ST3GAL2: variants seen among roughly 807,000 people sequenced by gnomAD.
The protein encoded by ST3GAL2 is CMP-N-acetylneuraminate-beta-galactosamide-alpha-2,3-sialyltransferase 2.
In ST3GAL2, 16 loss-of-function variants were observed where a neutral mutation model predicts 37.5. The observed-to-expected ratio is 0.43, with a 90% CI of 0.29 to 0.65. The LOEUF is 0.65. Among genes scored for constraint, ST3GAL2 ranks in the 30% least tolerant of loss-of-function variants. The pLI is 0.17. For synonymous variants in ST3GAL2, 238 were observed against 202.9 expected (o/e 1.17, Z -1.47); for missense variants, 383 against 487.8 (o/e 0.79, Z 2.02).
intron 1 of ST3GAL2, among the ~76,000 whole-genome samples, chr16:70,426,515 C>CT (rs1306374449): frequency 0.097 from 12,867 of 132,368 alleles, 1,832 homozygotes; most frequent in African/African-American, 0.32. Context: ...AAGTGTTTTT[C>CT]TTTTTTTTTT....
rs1342069549 is a variant in ST3GAL2 at position 70,381,467 on chromosome 16, G to C, written c.*222C>G. The C allele has an allele frequency of 3.3e-6, 2 of 599,146 alleles. No individual in the cohort carries two copies. The highest frequency in any genetic ancestry group is 3.1e-5 in the Admixed American group (1 of 32,664). 37.1% of individuals were successfully genotyped at this position (599,146 alleles called of 1,614,324 possible). On this transcript the variant is annotated 3_prime_UTR_variant, in exon 7 of 7. Coordinates refer to ENST00000342907, the MANE Select transcript of ST3GAL2 (RefSeq NM_006927.4). ...GAGGAGACTGGACACAGCGCCGGAA[G>C]TTTTCCTTGAGTCACATGATTGGCT...
chr16:70,431,970 A>AAT (rs1555562175), intron 1 of ST3GAL2, among the ~76,000 whole-genome samples: 61 of 144,182 alleles, frequency 4.2e-4, no homozygotes, highest in African/African-American at 1.1e-3. Context: ...TCTTAAAAAA[A>AAT]ATATATATAT....
In ST3GAL2 at chr16:70,376,701, G is replaced by C. The variant is rs2047348322; in HGVS notation, c.*4988C>G. On this transcript the variant is annotated 3_prime_UTR_variant, in exon 7 of 7. Transcript: ENST00000342907. The stretch of plus-strand genomic sequence containing the variant: ...CTGATGCCTCTGACCTTGCCAGACA[G>C]TCACAGAAGGTACTTCCTTGTCTGC... The C allele has an allele frequency of 6.6e-6, 1 of 152,110 alleles. No individual in the cohort carries two copies. Among genetic ancestry groups the C allele is most frequent in the Admixed American group, 6.6e-5 (1 of 15,264 alleles). The allele number at this position is 152,110 out of a possible 1,614,324, so 9.4% of individuals were successfully genotyped here.
intron 1 of ST3GAL2, among the ~76,000 whole-genome samples, chr16:70,404,250 A>G (rs1317595266): frequency 2.0e-5 from 3 of 152,168 alleles, no homozygotes; most frequent in East Asian, 1.9e-4. Flanking sequence ...GAAACAGCCA[A>G]TGAGGCAGGG....
chr16:70,410,385 G>A (rs1005439270), intron 1 of ST3GAL2, among the ~76,000 whole-genome samples: 1 of 150,542 alleles, frequency 6.6e-6, no homozygotes, highest in Non-Finnish European at 1.5e-5. Context: ...CCCGTAGCTG[G>A]GACCACAGGT....
chr16:70,399,078 C>T lies in ST3GAL2; in HGVS notation c.-548G>A. The T allele has an allele frequency of 7.5e-6, 3 of 400,850 alleles. No individual in the cohort carries two copies. The highest frequency in any genetic ancestry group is 1.3e-5 in the Non-Finnish European group (3 of 227,630). 24.8% of individuals were successfully genotyped at this position (400,850 alleles called of 1,614,324 possible). On this transcript the variant is annotated 5_prime_UTR_variant, in exon 2 of 7. Transcript: ENST00000342907. ...GCAAGTGTTGTCCCACCTCCTGGCC[C>T]AAAACCTCTGCCAGAGGAGGGGAGC...
chr16:70,422,287 G>C (rs2047720508), intron 1 of ST3GAL2, among the ~76,000 whole-genome samples: 1 of 152,222 alleles, frequency 6.6e-6, no homozygotes, highest in African/African-American at 2.4e-5. Flanking sequence ...GTGGAGTGCT[G>C]TATCTCCAAG....
chr16:70,430,193 G>A (rs896949059), intron 1 of ST3GAL2, among the ~76,000 whole-genome samples: 6 of 152,248 alleles, frequency 3.9e-5, no homozygotes, highest in African/African-American at 7.2e-5. Context: ...ATTAGTGGCA[G>A]GGTATGCCCA....
At chr16:70,397,284 G>A (rs750315895) in intron 2 of ST3GAL2, among the ~76,000 whole-genome samples, 3 of 150,776 alleles carry the variant, frequency 2.0e-5, no homozygotes, top group Admixed American at 6.6e-5. Flanking sequence ...CTCATGATCC[G>A]TCCGCCCTGT....
chr16:70,389,200 T>TCCAA (rs2047464511), intron 3 of ST3GAL2, among the ~76,000 whole-genome samples: 1 of 16,846 alleles, frequency 5.9e-5, no homozygotes, highest in African/African-American at 1.3e-4. Context: ...ACCCCATCTC[T>TCCAA]ACAAAAAAAA....
Position 70,399,415 on chromosome 16 carries a change from T to C in ST3GAL2, c.-885A>G, listed in dbSNP as rs1478976939. On this transcript the variant is annotated 5_prime_UTR_variant, in exon 2 of 7. Coordinates refer to ENST00000342907, the MANE Select transcript of ST3GAL2 (RefSeq NM_006927.4). ...GTCCAGGTCTCCTTCCTAATACTCC[T>C]GGCCCAGGTTCTGCCCATCCCCACT... 1.3e-5 allele frequency: 5 copies of C among 398,786 alleles called. No homozygotes were observed. In the South Asian group the frequency reaches 5.1e-4, roughly 41 times the overall value. The allele number at this position is 398,786 out of a possible 1,614,324, so 24.7% of individuals were successfully genotyped here.
chr16:70,402,727 G>A (rs539998580), intron 1 of ST3GAL2, among the ~76,000 whole-genome samples: 1 of 152,288 alleles, frequency 6.6e-6, no homozygotes, highest in South Asian at 2.1e-4. Flanking sequence ...TTGGCTCACT[G>A]CAGCCTCCGC....
At chr16:70,415,960 G>C (rs960188579) in intron 1 of ST3GAL2, among the ~76,000 whole-genome samples, 14 of 150,118 alleles carry the variant, frequency 9.3e-5, no homozygotes, top group Non-Finnish European at 1.9e-4. Context: ...ATTTTTAGTA[G>C]AGATGGGGTT....
At chr16:70,429,442 A>C (rs1374925195) in intron 1 of ST3GAL2, among the ~76,000 whole-genome samples, 1 of 151,596 alleles carries the variant, frequency 6.6e-6, no homozygotes, top group African/African-American at 2.4e-5. Context: ...AAATACAAAA[A>C]ATTAGCCGGG....
chr16:70,398,515 G>A lies in ST3GAL2; in HGVS notation c.16C>T (p.Arg6Trp), dbSNP rs759434739. The change falls in exon 2 of 7, where the codon CGG (arginine) becomes TGG (tryptophan). Residue 6 changes from arginine to tryptophan, a missense_variant. Physicochemically the swap from Arg to Trp is moderately radical, Grantham distance 101 (BLOSUM62 -3). Coordinates refer to ENST00000342907, the MANE Select transcript of ST3GAL2 (RefSeq NM_006927.4). ...AAGGCCACGGAGAGGAACCACACCC[G>A]CAGGGAGCACTTCATGGTGCCGGCA... MKCSL[R>W]VWFLSVAFLL... is the part of the protein sequence containing the mutation. 8 of 1,606,082 alleles carry A rather than the reference G, an allele frequency of 5.0e-6. 1 individual carries two copies. Among genetic ancestry groups the A allele is most frequent in the South Asian group, 2.2e-5 (2 of 90,662 alleles).
chr16:70,397,115 A>G (rs1442002168), intron 2 of ST3GAL2, among the ~76,000 whole-genome samples: 10 of 140,438 alleles, frequency 7.1e-5, no homozygotes, highest in Non-Finnish European at 1.2e-4. Context: ...ATCTCGGCTC[A>G]CTGCAACCTC....
chr16:70,389,553 C>T lies in ST3GAL2; in HGVS notation c.534-1007G>A, dbSNP rs368888627. ...AATCTCACCTCACTGCAACCTCCAC[C>T]TCCTGGGTTCAAGGGATTCTCCTGC... On this transcript the variant is annotated intron_variant, in intron 3 of 6. Transcript: ENST00000342907. Among the ~76,000 whole-genome samples the T allele has an allele frequency of 1.3e-4, 20 of 152,282 alleles. No individual in the cohort carries two copies. The South Asian group carries it at 3.3e-3, about 25-fold the overall frequency.
intron 1 of ST3GAL2, among the ~76,000 whole-genome samples, chr16:70,413,151 G>A (rs1217805914): frequency 6.6e-6 from 1 of 152,092 alleles, no homozygotes; most frequent in Admixed American, 6.6e-5. Flanking sequence ...TCGGGAGGCT[G>A]AGACAGGAGA....
chr16:70,393,875 C>T (rs2047498080), intron 3 of ST3GAL2: 2 of 152,186 alleles, frequency 1.3e-5, no homozygotes, highest in African/African-American at 2.4e-5. Flanking sequence ...AGACAAAGCC[C>T]TTCCTTCTGC....
Sources: allele counts gnomAD v4.1 joint callset (sites outside exome capture counted in the v4.1 genomes callset), GRCh38; gene constraint gnomAD v4.1.1; transcripts MANE v1.5; gene names NCBI Gene and HGNC (gene_info 2026-07-23, HGNC 2026-07-21).